Variants in GAS7 observed in about 807,000 individuals in gnomAD.
GAS7 encodes growth arrest specific 7.
GAS7 carries 28 observed loss-of-function variants against 71.1 expected under a neutral mutation model. The ratio of observed to expected loss-of-function variants is 0.39; its 90% confidence interval spans 0.29 to 0.54. The LOEUF is 0.54. Among genes scored for constraint, GAS7 ranks in the 20% least tolerant of loss-of-function variants. The pLI is 0.62. For synonymous variants in GAS7, 258 were observed against 245.8 expected, an observed-to-expected ratio of 1.05 and a Z score of -0.46; for missense variants, 436 against 627.8, an observed-to-expected ratio of 0.69 and a Z score of 3.27.
chr17:9,943,412 C>T (rs2068678915), intron 6 of GAS7, among the ~76,000 whole-genome samples, 176 bp from the exon 7 acceptor site: 1 of 152,094 alleles, frequency 6.6e-6, no homozygotes, highest in African/African-American at 2.4e-5. Context: ...GCCCCCACTC[C>T]CAACAGCGCT....
At chr17:10,067,479 G>A (rs2073294231) in intron 1 of GAS7, among the ~76,000 whole-genome samples, 2 of 151,842 alleles carry the variant, frequency 1.3e-5, no homozygotes, top group African/African-American at 2.4e-5. Flanking sequence ...TGCTGACCTT[G>A]TGATCTTGCC....
At position 9,981,599 on chromosome 17, in the gene GAS7, G is replaced by A. The variant is rs929483602; in HGVS notation, c.385+205C>T. 1.3e-5 allele frequency among the ~76,000 whole-genome samples: 2 copies of A among 152,090 alleles called. No homozygotes were observed. Among genetic ancestry groups the A allele is most frequent in the African/African-American group, 4.8e-5 (2 of 41,446 alleles). On this transcript the variant is annotated intron_variant, in intron 3 of 13. Transcript: ENST00000432992. This position sits in a 1 kb window ranked among gnomAD's most constrained non-coding sequence, Gnocchi z 4.4. ...TAAGCGCCTGAGGAGGAGTGTGCAG[G>A]AGGCCACCAGAGCTGCTGCTGGCAC...
chr17:9,990,993 G>GC (rs1469293967), intron 2 of GAS7, among the ~76,000 whole-genome samples: 1 of 152,196 alleles, frequency 6.6e-6, no homozygotes, highest in East Asian at 1.9e-4. Context: ...GTACGGGATA[G>GC]CAGTATAGGG....
intron 1 of GAS7, among the ~76,000 whole-genome samples, chr17:10,089,505 A>G (rs1053357146): frequency 7.1e-6 from 1 of 141,684 alleles, no homozygotes; most frequent in African/African-American, 2.7e-5. Context: ...GGGTTCAGAG[A>G]AAGAGAACAC....
intron 1 of GAS7, among the ~76,000 whole-genome samples, chr17:10,141,576 A>C (rs1375397260): frequency 6.6e-6 from 1 of 152,142 alleles, no homozygotes; most frequent in Non-Finnish European, 1.5e-5. Flanking sequence ...CCCGGCTCCA[A>C]AGAGGGAGGA....
intron 2 of GAS7, among the ~76,000 whole-genome samples, chr17:9,982,306 T>C (rs2152130696): frequency 1.3e-5 from 2 of 152,318 alleles, no homozygotes; most frequent in Middle Eastern, 3.4e-3. Context: ...CACTGTTACC[T>C]GAAACTCCAA....
In GAS7 at chr17:9,919,568, A is replaced by G; in HGVS notation, c.1218+58T>C. On this transcript the variant is annotated intron_variant, in intron 12 of 13. Transcript: ENST00000432992. This position sits in a 1 kb window ranked among gnomAD's most constrained non-coding sequence, Gnocchi z 5.0. Reference sequence around the variant, plus strand: ...ATCCCCGCGCCCACCAACAACCACCAGGGGCTGCTCTGTGTCAGCCTCTGT... The same window carrying G: ...ATCCCCGCGCCCACCAACAACCACCGGGGGCTGCTCTGTGTCAGCCTCTGT... The G allele has an allele frequency of 2.4e-6, 3 of 1,257,084 alleles. No individual in the cohort carries two copies. Among genetic ancestry groups the G allele is most frequent in the South Asian group, 2.4e-5 (2 of 84,058 alleles). 77.9% of individuals were successfully genotyped at this position (1,257,084 alleles called of 1,614,324 possible).
rs2067493785 is a variant in GAS7, at chr17:9,913,439, T to A, written c.*3789A>T. The A allele has an allele frequency of 4.3e-6, 1 of 232,684 alleles. No individual in the cohort carries two copies. The highest frequency in any genetic ancestry group is 8.5e-6 in the Non-Finnish European group (1 of 117,458). 14.4% of individuals were successfully genotyped at this position (232,684 alleles called of 1,614,324 possible). On this transcript the variant is annotated 3_prime_UTR_variant, in exon 14 of 14. Coordinates refer to ENST00000432992, the MANE Select transcript of GAS7 (RefSeq NM_201433.2). Reference sequence around the variant, plus strand: ...GATGTCCTTCGAATGTTATGGCTTGTATTTCCAAAAGGGACTTTGGCTCAG... The same window carrying A: ...GATGTCCTTCGAATGTTATGGCTTGAATTTCCAAAAGGGACTTTGGCTCAG...
chr17:10,138,212 G>A (rs906452425), intron 1 of GAS7, among the ~76,000 whole-genome samples: 14 of 148,110 alleles, frequency 9.5e-5, no homozygotes, highest in Non-Finnish European at 1.7e-4. Flanking sequence ...TGATCCGCCC[G>A]CCTCGGCCTC....
intron 5 of GAS7, among the ~76,000 whole-genome samples, chr17:9,947,403 G>C (rs1213042368): frequency 6.6e-6 from 1 of 152,154 alleles, no homozygotes; most frequent in Non-Finnish European, 1.5e-5. Context: ...GTATGAGATA[G>C]ACATCTATGG....
At chr17:10,057,036 T>A (rs1165955483) in intron 1 of GAS7, among the ~76,000 whole-genome samples, 1 of 152,140 alleles carries the variant, frequency 6.6e-6, no homozygotes, top group Non-Finnish European at 1.5e-5. Flanking sequence ...CCGCGAGTGA[T>A]CTGCCAGCCT....
intron 1 of GAS7, among the ~76,000 whole-genome samples, chr17:10,160,143 C>T (rs535640429): frequency 6.6e-6 from 1 of 151,844 alleles, no homozygotes; most frequent in African/African-American, 2.4e-5. Context: ...TGAGCTCAAG[C>T]GATCCACCCA....
chr17:10,175,869 G>A (rs942221508), intron 1 of GAS7, among the ~76,000 whole-genome samples: 4 of 152,174 alleles, frequency 2.6e-5, no homozygotes, highest in African/African-American at 9.7e-5. Flanking sequence ...ACTAGGGGTT[G>A]GGACTTCAAA....
At chr17:10,172,343 C>G (rs1403639508) in intron 1 of GAS7, among the ~76,000 whole-genome samples, 1 of 152,188 alleles carries the variant, frequency 6.6e-6, no homozygotes, top group African/African-American at 2.4e-5. Flanking sequence ...CGGCCCTGCC[C>G]AAGGATTCCC....
chr17:10,144,699 A>C (rs1280230373), intron 1 of GAS7, among the ~76,000 whole-genome samples: 5 of 151,940 alleles, frequency 3.3e-5, no homozygotes, highest in Admixed American at 6.6e-5. Flanking sequence ...ATGCACCAGC[A>C]TGCCCAGATA....
At chr17:10,128,505 C>T (rs1263077693) in intron 1 of GAS7, among the ~76,000 whole-genome samples, 1 of 152,190 alleles carries the variant, frequency 6.6e-6, no homozygotes, top group Non-Finnish European at 1.5e-5. Flanking sequence ...AATGCCTCCC[C>T]CTCTCACCCC....
At chr17:10,194,039 G>A (rs1169062709) in intron 1 of GAS7, among the ~76,000 whole-genome samples, 2 of 152,136 alleles carry the variant, frequency 1.3e-5, no homozygotes, top group Non-Finnish European at 1.5e-5. Flanking sequence ...AACCCAAAAT[G>A]GGAGAACAAA....
intron 1 of GAS7, among the ~76,000 whole-genome samples, chr17:10,182,317 G>C (rs1049897571): frequency 1.2e-4 from 18 of 151,960 alleles, no homozygotes; most frequent in African/African-American, 3.9e-4. Flanking sequence ...CCACCACCAC[G>C]CTCGGCTAAT....
chr17:10,085,563 G>A (rs1454507857), intron 1 of GAS7, among the ~76,000 whole-genome samples: 1 of 151,874 alleles, frequency 6.6e-6, no homozygotes, highest in Non-Finnish European at 1.5e-5. Flanking sequence ...ATGGTGGCGG[G>A]CGCTTGTAGT....
Sources: allele counts gnomAD v4.1 joint callset (sites outside exome capture counted in the v4.1 genomes callset), GRCh38; gene constraint gnomAD v4.1.1; non-coding constraint Gnocchi (gnomAD v3.1); transcripts MANE v1.5; gene names NCBI Gene and HGNC (gene_info 2026-07-23, HGNC 2026-07-21).